The following LINGO2 variants were observed in gnomAD, a reference collection of about 807,000 sequenced individuals.
The protein encoded by LINGO2 is leucine rich repeat and Ig domain containing 2.
Under a neutral mutation model 30.6 loss-of-function variants are expected in LINGO2, and 14 were observed. The observed-to-expected ratio is 0.46, with a 90% confidence interval of 0.30 to 0.72. The LOEUF (loss-of-function observed/expected upper bound fraction) is 0.72. Among genes scored for constraint, LINGO2 ranks in the 30% least tolerant of loss-of-function variants. LINGO2 has a pLI of 0.07. For missense variants in LINGO2, 729 were observed against 751.7 expected, an observed-to-expected ratio of 0.97 and a Z score of 0.35; for synonymous variants, 317 against 288.5, an observed-to-expected ratio of 1.10 and a Z score of -1.00.
At chr9:28,960,794 C>T in the LINGO2 span, among the ~76,000 whole-genome samples, 2 of 144,340 alleles carry the variant, frequency 1.4e-5, no homozygotes, top group African/African-American at 5.0e-5. Flanking sequence ...ATAATGGTTG[C>T]TGAGTCATCA....
chr9:28,437,407 TTG>T (rs2134992872), intron 2 of LINGO2, among the ~76,000 whole-genome samples: 1 of 152,216 alleles, frequency 6.6e-6, no homozygotes, highest in Non-Finnish European at 1.5e-5. Flanking sequence ...GCTGTCACAA[TTG>T]GCCGCAGACA....
chr9:28,358,825 G>T (rs4879239), intron 3 of LINGO2, among the ~76,000 whole-genome samples: 53,183 of 151,916 alleles, frequency 0.35, 10,863 homozygotes, highest in Non-Finnish European at 0.45. Context: ...CTTCTTAGTA[G>T]ACAACTGCTG....
intron 1 of LINGO2, among the ~76,000 whole-genome samples, chr9:28,638,947 G>T (rs894374199): frequency 1.3e-5 from 2 of 151,968 alleles, no homozygotes; most frequent in African/African-American, 4.8e-5. Flanking sequence ...GCTTTCTCTT[G>T]TGGGCATTTA....
chr9:28,235,992 A>T (rs4304404), intron 4 of LINGO2, among the ~76,000 whole-genome samples: 43,727 of 151,992 alleles, frequency 0.29, 6,504 homozygotes, highest in South Asian at 0.36. Flanking sequence ...AAACAGAACA[A>T]CATGCAGATT....
chr9:28,623,423 T>C (rs1483817089), intron 1 of LINGO2, among the ~76,000 whole-genome samples: 1 of 152,100 alleles, frequency 6.6e-6, no homozygotes. Flanking sequence ...TATCCAGTTT[T>C]CCAATCATCA....
the LINGO2 span, among the ~76,000 whole-genome samples, chr9:28,767,397 A>G: frequency 6.6e-6 from 1 of 152,192 alleles, no homozygotes; most frequent in Non-Finnish European, 1.5e-5. Context: ...TGCTGCCCTG[A>G]CATTTATAGC....
At chr9:29,176,396 C>T in the LINGO2 span, among the ~76,000 whole-genome samples, 6 of 152,184 alleles carry the variant, frequency 3.9e-5, no homozygotes, top group East Asian at 1.9e-4. Flanking sequence ...ATAACAGACA[C>T]GTGGTAAGGA....
At position 28,662,083 on chromosome 9, in the gene LINGO2, G is replaced by C. The variant is rs1189398567; in HGVS notation, c.-365+8117C>G. On this transcript the variant is annotated intron_variant, in intron 1 of 5. Transcript: ENST00000379992. ...TAGGAAAAGATCACAGGCTCTGACA[G>C]TTGATTGGTGAATTAATTAGATGTT... Among the ~76,000 whole-genome samples the C allele has an allele frequency of 2.6e-5, 4 of 152,206 alleles. No homozygotes were observed. In the South Asian group the frequency reaches 8.3e-4, roughly 31 times the overall value.
At chr9:29,079,556 T>TATC in the LINGO2 span, among the ~76,000 whole-genome samples, 1 of 152,006 alleles carries the variant, frequency 6.6e-6, no homozygotes, top group East Asian at 1.9e-4. Context: ...AGTAGGCCAA[T>TATC]ATCATATATT....
intron 1 of LINGO2, among the ~76,000 whole-genome samples, chr9:28,553,038 G>A (rs892973694): frequency 6.6e-6 from 1 of 151,940 alleles, no homozygotes; most frequent in East Asian, 1.9e-4. Context: ...GGTATAACAT[G>A]CTTTCTTCAA....
chr9:28,880,715 C>T, the LINGO2 span, among the ~76,000 whole-genome samples: 1 of 152,158 alleles, frequency 6.6e-6, no homozygotes, highest in African/African-American at 2.4e-5. Flanking sequence ...GCCACTGTCT[C>T]CTGCCTGCCC....
At chr9:28,755,062 T>C in the LINGO2 span, among the ~76,000 whole-genome samples, 1 of 152,024 alleles carries the variant, frequency 6.6e-6, no homozygotes. Flanking sequence ...TTAAGAAAAA[T>C]GGCAATATGC....
the LINGO2 span, among the ~76,000 whole-genome samples, chr9:29,041,204 G>C: frequency 1.1e-4 from 16 of 152,008 alleles, no homozygotes; most frequent in Non-Finnish European, 8.8e-5. Flanking sequence ...TAAATGGAGA[G>C]ACATACTACA....
chr9:28,747,424 G>T, the LINGO2 span, among the ~76,000 whole-genome samples: 1 of 151,978 alleles, frequency 6.6e-6, no homozygotes, highest in Non-Finnish European at 1.5e-5. Flanking sequence ...GATTCTTCCT[G>T]GACGTTGGAC....
the LINGO2 span, among the ~76,000 whole-genome samples, chr9:29,207,181 T>G: frequency 2.0e-5 from 3 of 151,884 alleles, no homozygotes; most frequent in Non-Finnish European, 4.4e-5. Flanking sequence ...CATATGATAT[T>G]GTACATATAC....
At chr9:28,584,302 A>T (rs1383681043) in intron 1 of LINGO2, among the ~76,000 whole-genome samples, 1 of 152,066 alleles carries the variant, frequency 6.6e-6, no homozygotes, top group Non-Finnish European at 1.5e-5. Flanking sequence ...CACATTCAAA[A>T]ACCTGTTGGC....
In LINGO2 at chr9:28,442,383, A is replaced by G. The variant is rs1342704293; in HGVS notation, c.-279+33557T>C. Among the ~76,000 whole-genome samples, 3 of 152,116 alleles carry G rather than the reference A, an allele frequency of 2.0e-5. No homozygotes were observed. In the South Asian group the frequency reaches 6.2e-4, roughly 32 times the overall value. On this transcript the variant is annotated intron_variant, in intron 2 of 5. Transcript: ENST00000379992. ...AGTACATCATAATTTTTAACAATAA[A>G]GAATGGATTAATGATTCTACACTAT...
chr9:28,858,397 A>T, the LINGO2 span, among the ~76,000 whole-genome samples: 1 of 152,028 alleles, frequency 6.6e-6, no homozygotes, highest in Admixed American at 6.6e-5. Context: ...ACCCCAATGT[A>T]GAACTACTGA....
the LINGO2 span, among the ~76,000 whole-genome samples, chr9:28,876,114 G>A: frequency 2.6e-5 from 4 of 152,198 alleles, no homozygotes; most frequent in South Asian, 8.3e-4. Context: ...GCAGTAGTCA[G>A]TGGCATTGCT....
Sources: gnomAD v4.1 joint callset for allele counts (sites outside exome capture counted in the v4.1 genomes callset) on GRCh38, gnomAD v4.1.1 for gene constraint, MANE v1.5 for transcripts, NCBI Gene and HGNC (gene_info 2026-07-23, HGNC 2026-07-21) for gene names.